The following ENPP6 variants were observed in gnomAD, a reference collection of about 807,000 sequenced individuals.
ENPP6 encodes ectonucleotide pyrophosphatase/phosphodiesterase 6.
In ENPP6, 32 loss-of-function variants were observed where a neutral mutation model predicts 42.0. The observed-to-expected ratio is 0.76, with a 90% CI of 0.58 to 1.02. The LOEUF (loss-of-function observed/expected upper bound fraction) is 1.02, where lower values mean the gene tolerates loss of function less well. ENPP6 is among the 50% of genes least tolerant of loss of function. ENPP6 has a pLI of 0.00. For synonymous variants in ENPP6, 213 were observed against 216.0 expected (o/e 0.99, Z 0.12); for missense variants, 552 against 566.8 (o/e 0.97, Z 0.27).
intron 1 of ENPP6, chr4:184,203,853 A>G (rs748686309): frequency 2.0e-5 from 3 of 152,184 alleles, no homozygotes; most frequent in Non-Finnish European, 4.4e-5. Context: ...TGGGCTGTGT[A>G]AAAAAACCCT....
At chr4:184,194,733 G>C (rs1345804647) in intron 1 of ENPP6, among the ~76,000 whole-genome samples, 1 of 152,138 alleles carries the variant, frequency 6.6e-6, no homozygotes, top group Non-Finnish European at 1.5e-5. Flanking sequence ...GAACCCACAC[G>C]GGAGGACTGA....
intron 1 of ENPP6, 119 bp from the exon 2 acceptor site, chr4:184,153,852 T>G (rs535894668): frequency 1.5e-5 from 18 of 1,179,204 alleles, no homozygotes; most frequent in Non-Finnish European, 1.8e-5. Flanking sequence ...AGCATAAAGA[T>G]TTGCTTTTGA....
chr4:184,113,951 CTTTCTTT>C (rs1560981972), intron 5 of ENPP6, among the ~76,000 whole-genome samples: 4 of 129,862 alleles, frequency 3.1e-5, no homozygotes, highest in African/African-American at 1.1e-4. Flanking sequence ...TTCTTTCTTT[CTTTCTTT>C]CTTTCTCTCT....
chr4:184,169,923 A>G (rs1207556796), intron 1 of ENPP6, among the ~76,000 whole-genome samples: 3 of 152,198 alleles, frequency 2.0e-5, no homozygotes, highest in African/African-American at 4.8e-5. Context: ...TCCTCCCCAC[A>G]CTGGAATATT....
At chr4:184,204,328 C>T (rs764452590) in intron 1 of ENPP6, among the ~76,000 whole-genome samples, 5 of 152,170 alleles carry the variant, frequency 3.3e-5, no homozygotes, top group East Asian at 1.9e-4. Flanking sequence ...TAGCTCCTTG[C>T]GATGCTGGCA....
At chr4:184,215,078 C>T (rs1042136903) in intron 1 of ENPP6, among the ~76,000 whole-genome samples, 1 of 152,182 alleles carries the variant, frequency 6.6e-6, no homozygotes, top group African/African-American at 2.4e-5. Flanking sequence ...CCTGATGCAG[C>T]CCCGGCAGTT....
intron 6 of ENPP6, among the ~76,000 whole-genome samples, chr4:184,110,206 G>C (rs1736176834): frequency 6.6e-6 from 1 of 152,132 alleles, no homozygotes; most frequent in South Asian, 2.1e-4. Flanking sequence ...CGGGGCCCCA[G>C]TCTACCTGAC....
intron 4 of ENPP6, 34 bp downstream of exon 4, chr4:184,117,725 G>A: frequency 6.2e-7 from 1 of 1,608,198 alleles, no homozygotes; most frequent in East Asian, 2.2e-5. Context: ...GTGACAGAGA[G>A]AAGGCCAGGC....
chr4:184,175,725 G>T (rs896010748), intron 1 of ENPP6, among the ~76,000 whole-genome samples: 20 of 152,108 alleles, frequency 1.3e-4, no homozygotes, highest in Non-Finnish European at 2.2e-4. Flanking sequence ...CACCAAGCGT[G>T]TTCTTTATTC....
At chr4:184,157,536 TCTC>T (rs1199271591) in intron 1 of ENPP6, among the ~76,000 whole-genome samples, 1 of 150,366 alleles carries the variant, frequency 6.7e-6, no homozygotes, top group Non-Finnish European at 1.5e-5. Context: ...TCTTTCTCTC[TCTC>T]CTTTCTTTCC....
chr4:184,111,650 C>T (rs1029622132), intron 6 of ENPP6, among the ~76,000 whole-genome samples: 5 of 152,378 alleles, frequency 3.3e-5, no homozygotes, highest in Admixed American at 6.5e-5. Flanking sequence ...ACTCACACCC[C>T]TAACCGAATC....
intron 1 of ENPP6, among the ~76,000 whole-genome samples, chr4:184,197,327 C>T (rs1162812408): frequency 6.6e-6 from 1 of 152,206 alleles, no homozygotes; most frequent in African/African-American, 2.4e-5. Flanking sequence ...CAGATTGTAC[C>T]TCCCGGGAGA....
chr4:184,096,043 T>C (rs1055621945), intron 7 of ENPP6, among the ~76,000 whole-genome samples: 1 of 152,164 alleles, frequency 6.6e-6, no homozygotes, highest in Non-Finnish European at 1.5e-5. Flanking sequence ...TAGTGCTCCA[T>C]GAATTTGCTG....
intron 5 of ENPP6, among the ~76,000 whole-genome samples, chr4:184,115,141 T>C (rs17075313): frequency 0.096 from 14,635 of 152,250 alleles, 2,084 homozygotes; most frequent in African/African-American, 0.31. Context: ...CAGTGCTTCA[T>C]CCTTACTAAT....
chr4:184,209,237 A>G (rs1434903392), intron 1 of ENPP6, among the ~76,000 whole-genome samples: 1 of 151,414 alleles, frequency 6.6e-6, no homozygotes, highest in Non-Finnish European at 1.5e-5. Flanking sequence ...CTGGATGGAG[A>G]ATGACTTTGA....
At chr4:184,095,588 A>T (rs535137249) in intron 7 of ENPP6, among the ~76,000 whole-genome samples, 26 of 151,648 alleles carry the variant, frequency 1.7e-4, no homozygotes, top group Admixed American at 1.6e-3. Flanking sequence ...TGAACCCAGG[A>T]GGTGGAGGTT....
chr4:184,108,727 T>C (rs980549688), intron 6 of ENPP6, among the ~76,000 whole-genome samples: 78 of 130,476 alleles, frequency 6.0e-4, no homozygotes, highest in African/African-American at 1.8e-3. Context: ...AACTGCAGAG[T>C]CATTAAAAGA....
At chr4:184,121,323 C>T (rs1052117065) in intron 3 of ENPP6, among the ~76,000 whole-genome samples, 3 of 152,238 alleles carry the variant, frequency 2.0e-5, no homozygotes, top group African/African-American at 7.2e-5. Flanking sequence ...TTTCCTACCA[C>T]AGGCTGACAT....
intron 3 of ENPP6, among the ~76,000 whole-genome samples, chr4:184,120,990 C>A (rs531727231): frequency 2.0e-5 from 3 of 152,148 alleles, no homozygotes; most frequent in Admixed American, 6.5e-5. Context: ...AAGAGCTGGG[C>A]TCTTGCTCCA....
Sources: gnomAD v4.1 joint callset for allele counts (sites outside exome capture counted in the v4.1 genomes callset) on GRCh38, gnomAD v4.1.1 for gene constraint, MANE v1.5 for transcripts, NCBI Gene and HGNC (gene_info 2026-07-23, HGNC 2026-07-21) for gene names.